The following PLD5 variants were observed in gnomAD, a reference collection of about 807,000 sequenced individuals.
The protein encoded by PLD5 is phospholipase D family member 5.
In PLD5, 36 loss-of-function variants were observed where a neutral mutation model predicts 61.1. The ratio of observed to expected loss-of-function variants is 0.59; its 90% confidence interval spans 0.45 to 0.78. The LOEUF (loss-of-function observed/expected upper bound fraction) is 0.78, where lower values mean the gene tolerates loss of function less well. Ranked by LOEUF, PLD5 falls within the 30% of genes least tolerant of loss-of-function variation. The pLI is 0.00. For missense variants in PLD5, 515 were observed against 644.4 expected (o/e 0.80, Z 2.17); for synonymous variants, 243 against 242.8 (o/e 1.00, Z -0.01).
intron 5 of PLD5, among the ~76,000 whole-genome samples, chr1:242,213,395 T>G (rs188006859): frequency 2.5e-4 from 38 of 152,240 alleles, no homozygotes; most frequent in African/African-American, 7.0e-4. Context: ...CCAACAGAAC[T>G]AATGCTTTTA....
intron 2 of PLD5, among the ~76,000 whole-genome samples, chr1:242,310,633 C>CA (rs1676644706): frequency 6.6e-6 from 1 of 152,084 alleles, no homozygotes; most frequent in East Asian, 1.9e-4. Context: ...AAAGTAATAA[C>CA]AAAAATCACA....
chr1:242,316,029 G>T (rs527406320), intron 2 of PLD5, among the ~76,000 whole-genome samples: 1 of 152,142 alleles, frequency 6.6e-6, no homozygotes, highest in Admixed American at 6.6e-5. Context: ...GTGACCTTGC[G>T]TAAGTTACTT....
chr1:242,469,761 G>A lies in PLD5; in HGVS notation c.189+54327C>T, dbSNP rs138254769. 3.9e-3 allele frequency among the ~76,000 whole-genome samples: 597 copies of A among 152,178 alleles called. 1 individual carries two copies. Among genetic ancestry groups the A allele is most frequent in the Non-Finnish European group, 6.8e-3 (460 of 68,024 alleles). The stretch of plus-strand genomic sequence containing the variant: ...TGCACCACACATCTTGCTGTCCAGG[G>A]AACATGCACGAACCCCTGCCAGCAT... On this transcript the variant is annotated intron_variant, in intron 1 of 9. Coordinates refer to ENST00000536534, the MANE Select transcript of PLD5 (RefSeq NM_001372062.1).
chr1:242,184,928 A>C (rs1327313285), intron 5 of PLD5, among the ~76,000 whole-genome samples: 3 of 152,158 alleles, frequency 2.0e-5, no homozygotes, highest in Non-Finnish European at 2.9e-5. Context: ...GGAATGGACC[A>C]CCAGAACTTT....
chr1:242,219,638 C>T (rs1319534607), intron 5 of PLD5, among the ~76,000 whole-genome samples: 5 of 152,184 alleles, frequency 3.3e-5, no homozygotes, highest in Non-Finnish European at 7.3e-5. Context: ...ACATATTACT[C>T]TCTACTGAAT....
chr1:242,107,300 GC>G (rs1278290958), intron 8 of PLD5, among the ~76,000 whole-genome samples: 1 of 152,042 alleles, frequency 6.6e-6, no homozygotes, highest in Non-Finnish European at 1.5e-5. Context: ...ACATGGTGAA[GC>G]CCCATCTCTA....
At chr1:242,197,995 A>G (rs1668746162) in intron 5 of PLD5, among the ~76,000 whole-genome samples, 1 of 152,126 alleles carries the variant, frequency 6.6e-6, no homozygotes, top group Non-Finnish European at 1.5e-5. Context: ...CTTGAAGGAA[A>G]ACACCCTCGG....
At chr1:242,169,741 G>A (rs371660095) in intron 5 of PLD5, among the ~76,000 whole-genome samples, 50 of 152,306 alleles carry the variant, frequency 3.3e-4, no homozygotes, top group South Asian at 1.5e-3. Context: ...CTCCAGCTTC[G>A]TTGTGGGAGG....
At chr1:242,292,385 A>G (rs990350597) in intron 2 of PLD5, among the ~76,000 whole-genome samples, 3 of 152,216 alleles carry the variant, frequency 2.0e-5, no homozygotes, top group African/African-American at 7.2e-5. Context: ...GGAGAAAGAC[A>G]AGAGGAGACA....
chr1:242,326,441 T>C (rs1658789275), intron 2 of PLD5, among the ~76,000 whole-genome samples: 1 of 152,108 alleles, frequency 6.6e-6, no homozygotes, highest in Admixed American at 6.6e-5. Flanking sequence ...TGGTCCCTGT[T>C]TGTACGTGGA....
At chr1:242,236,483 G>A (rs1168064392) in intron 4 of PLD5, among the ~76,000 whole-genome samples, 6 of 151,736 alleles carry the variant, frequency 4.0e-5, no homozygotes, top group African/African-American at 1.5e-4. Context: ...AGCGAGTCAA[G>A]AATATAAGCA....
intron 1 of PLD5, among the ~76,000 whole-genome samples, chr1:242,394,304 GTATA>G (rs796894021): frequency 1.3e-5 from 1 of 74,244 alleles, no homozygotes; most frequent in Non-Finnish European, 2.4e-5. Context: ...ATATATATGA[GTATA>G]TATGTGTGTA....
At chr1:242,116,633 T>C (rs60510799) in intron 6 of PLD5, among the ~76,000 whole-genome samples, 8,546 of 151,976 alleles carry the variant, frequency 0.056, 802 homozygotes, top group African/African-American at 0.19. Flanking sequence ...GTAACCAATG[T>C]TTACCTCCCA....
At chr1:242,453,467 A>C (rs1460275050) in intron 1 of PLD5, among the ~76,000 whole-genome samples, 1 of 152,166 alleles carries the variant, frequency 6.6e-6, no homozygotes, top group Non-Finnish European at 1.5e-5. Flanking sequence ...TTTTTAATGA[A>C]ATTTTTATTG....
At chr1:242,495,888 G>A (rs1167373890) in intron 1 of PLD5, among the ~76,000 whole-genome samples, 1 of 152,198 alleles carries the variant, frequency 6.6e-6, no homozygotes, top group Non-Finnish European at 1.5e-5. Flanking sequence ...ATAAAAAGCA[G>A]ATGAAATAAT....
At position 242,423,004 on chromosome 1, in the gene PLD5, A is replaced by T. The variant is rs191282160; in HGVS notation, c.190-74762T>A. ...GCTAGGATTATAGGTGCATGCCACC[A>T]TACTTGGCTATTTTTTTTAAATTTT... On this transcript the variant is annotated intron_variant, in intron 1 of 9. Coordinates refer to ENST00000536534, the MANE Select transcript of PLD5 (RefSeq NM_001372062.1). Among the ~76,000 whole-genome samples the T allele has an allele frequency of 3.1e-3, 474 of 151,872 alleles. 6 individuals carry two copies. The highest frequency in any genetic ancestry group is 0.024 in the Middle Eastern group (7 of 294).
At chr1:242,100,866 A>G (rs1660633152) in intron 8 of PLD5, 84 bp from the exon 9 acceptor site, 10 of 848,986 alleles carry the variant, frequency 1.2e-5, no homozygotes, top group Non-Finnish European at 1.9e-5. Context: ...GCATTATCCA[A>G]ATGTCAACAA....
intron 2 of PLD5, among the ~76,000 whole-genome samples, chr1:242,300,874 T>A (rs1676000155): frequency 6.6e-6 from 1 of 152,086 alleles, no homozygotes; most frequent in Non-Finnish European, 1.5e-5. Flanking sequence ...TGGAGAGATA[T>A]GGAATACATT....
At chr1:242,335,815 T>G (rs887013775) in intron 2 of PLD5, among the ~76,000 whole-genome samples, 2 of 152,220 alleles carry the variant, frequency 1.3e-5, no homozygotes, top group Non-Finnish European at 2.9e-5. Context: ...TAACTGCCTA[T>G]GAAAATTTCC....
Sources: gnomAD v4.1 joint callset for allele counts (sites outside exome capture counted in the v4.1 genomes callset) on GRCh38, gnomAD v4.1.1 for gene constraint, MANE v1.5 for transcripts, NCBI Gene and HGNC (gene_info 2026-07-23, HGNC 2026-07-21) for gene names.